The following CACNA2D3 variants were observed in gnomAD, a reference collection of about 807,000 sequenced individuals.
CACNA2D3 encodes calcium voltage-gated channel auxiliary subunit alpha2delta 3, also known as voltage-dependent calcium channel subunit alpha-2/delta-3.
A neutral mutation model predicts 160.6 loss-of-function variants in CACNA2D3; 60 were observed. The observed-to-expected ratio is 0.37, with a 90% CI of 0.30 to 0.46. The LOEUF is 0.46. Among genes scored for constraint, CACNA2D3 ranks in the 20% least tolerant of loss-of-function variants. CACNA2D3 has a pLI of 1.00. For synonymous variants in CACNA2D3, 558 were observed against 492.9 expected (o/e 1.13, Z -1.75); for missense variants, 1,205 against 1,365.0 (o/e 0.88, Z 1.85).
intron 27 of CACNA2D3, among the ~76,000 whole-genome samples, chr3:54,906,353 G>A (rs1383126068): frequency 6.6e-6 from 1 of 152,048 alleles, no homozygotes; most frequent in African/African-American, 2.4e-5. Flanking sequence ...GAGAGGAAGT[G>A]CGCAGCCATG....
intron 35 of CACNA2D3, among the ~76,000 whole-genome samples, chr3:55,023,544 C>T (rs961037303): frequency 6.6e-6 from 1 of 152,038 alleles, no homozygotes; most frequent in Non-Finnish European, 1.5e-5. Flanking sequence ...AGTATCAATC[C>T]TCTTTTTTCT....
intron 4 of CACNA2D3, among the ~76,000 whole-genome samples, chr3:54,467,460 C>G (rs1700649050): frequency 6.6e-6 from 1 of 152,186 alleles, no homozygotes; most frequent in Admixed American, 6.5e-5. Flanking sequence ...GGTCTCAAGT[C>G]TTAGCTTGAT....
At chr3:54,606,379 C>T (rs1486600486) in intron 9 of CACNA2D3, among the ~76,000 whole-genome samples, 1 of 152,006 alleles carries the variant, frequency 6.6e-6, no homozygotes, top group Non-Finnish European at 1.5e-5. Context: ...AGAGGTAGGA[C>T]AACCAGTTAG....
chr3:54,523,406 G>A (rs373903964), intron 5 of CACNA2D3, among the ~76,000 whole-genome samples: 2 of 152,052 alleles, frequency 1.3e-5, no homozygotes, highest in African/African-American at 4.8e-5. Flanking sequence ...TTTGGTTATG[G>A]TATATAATTC....
intron 11 of CACNA2D3, among the ~76,000 whole-genome samples, chr3:54,724,382 A>G (rs1016790414): frequency 6.6e-6 from 1 of 152,200 alleles, no homozygotes; most frequent in African/African-American, 2.4e-5. Context: ...TAACAAGGAT[A>G]TTCAGGACTT....
At chr3:54,173,119 T>A (rs906000377) in intron 2 of CACNA2D3, among the ~76,000 whole-genome samples, 1 of 152,170 alleles carries the variant, frequency 6.6e-6, no homozygotes, top group Non-Finnish European at 1.5e-5. Context: ...TTCCTCCACC[T>A]TGGGAGAGGC....
chr3:54,297,961 C>A (rs7434141), intron 2 of CACNA2D3, among the ~76,000 whole-genome samples: 20,800 of 152,220 alleles, frequency 0.14, 1,489 homozygotes, highest in East Asian at 0.23. Context: ...CAACACCACC[C>A]CAGATCTGGA....
rs150570968 is a variant in CACNA2D3 at position 54,852,287 on chromosome 3, G to T, written c.1626+5820G>T. On this transcript the variant is annotated intron_variant, in intron 17 of 37. Coordinates refer to ENST00000474759, the MANE Select transcript of CACNA2D3 (RefSeq NM_018398.3). Reference sequence around the variant, plus strand: ...AACTCTGCCTATTCTAGCCATGTAGGTTCACCCCTACGCCATCTAGACTTC... The same window carrying T: ...AACTCTGCCTATTCTAGCCATGTAGTTTCACCCCTACGCCATCTAGACTTC... Among the ~76,000 whole-genome samples the T allele has an allele frequency of 2.2e-3, 342 of 152,334 alleles. 1 individual carries two copies. The highest frequency in any genetic ancestry group is 7.7e-3 in the African/African-American group (322 of 41,580).
At chr3:54,794,666 A>G (rs890729995) in intron 13 of CACNA2D3, among the ~76,000 whole-genome samples, 2 of 147,334 alleles carry the variant, frequency 1.4e-5, no homozygotes, top group African/African-American at 5.0e-5. Context: ...TGTTATTTTC[A>G]CTAGATACAG....
chr3:54,484,862 T>TG (rs762057063), intron 4 of CACNA2D3, among the ~76,000 whole-genome samples: 86 of 149,532 alleles, frequency 5.8e-4, no homozygotes, highest in African/African-American at 1.2e-3. Context: ...TTTTTTTTTT[T>TG]GGGGGATGGA....
At chr3:54,965,617 G>A (rs1226753875) in intron 27 of CACNA2D3, among the ~76,000 whole-genome samples, 2 of 151,708 alleles carry the variant, frequency 1.3e-5, no homozygotes, top group Non-Finnish European at 2.9e-5. Context: ...ACAAATGGTC[G>A]TGAAGTTGAT....
At chr3:54,300,844 A>G (rs975201187) in intron 2 of CACNA2D3, among the ~76,000 whole-genome samples, 1 of 152,050 alleles carries the variant, frequency 6.6e-6, no homozygotes, top group Non-Finnish European at 1.5e-5. Flanking sequence ...GCGAGACTCC[A>G]TTTCTACCAA....
intron 14 of CACNA2D3, among the ~76,000 whole-genome samples, chr3:54,835,061 T>C (rs1252459299): frequency 1.3e-5 from 2 of 152,202 alleles, no homozygotes; most frequent in Non-Finnish European, 2.9e-5. Flanking sequence ...CTCAAACAAC[T>C]GAGCATGATG....
intron 31 of CACNA2D3, among the ~76,000 whole-genome samples, chr3:54,990,829 G>A (rs551326209): frequency 6.6e-6 from 1 of 152,328 alleles, no homozygotes; most frequent in South Asian, 2.1e-4. Flanking sequence ...TGTAGTGCAG[G>A]CAGAAGGAAA....
chr3:54,402,837 T>C (rs1699495136), intron 4 of CACNA2D3, among the ~76,000 whole-genome samples: 1 of 152,214 alleles, frequency 6.6e-6, no homozygotes, highest in Non-Finnish European at 1.5e-5. Flanking sequence ...CATTCTTCTC[T>C]AGTGCACGTG....
chr3:54,666,600 C>G (rs1010913029), intron 11 of CACNA2D3, among the ~76,000 whole-genome samples: 13 of 152,208 alleles, frequency 8.5e-5, no homozygotes, highest in African/African-American at 2.9e-4. Context: ...TTTTCTTCCT[C>G]CAATATAAGG....
At chr3:54,633,394 G>A (rs891320848) in intron 10 of CACNA2D3, among the ~76,000 whole-genome samples, 7 of 152,162 alleles carry the variant, frequency 4.6e-5, no homozygotes, top group Non-Finnish European at 1.0e-4. Context: ...TAATGATAGC[G>A]TTGGAAGACT....
intron 14 of CACNA2D3, among the ~76,000 whole-genome samples, chr3:54,836,533 C>A (rs894330368): frequency 2.0e-5 from 3 of 151,586 alleles, no homozygotes; most frequent in African/African-American, 7.3e-5. Flanking sequence ...CACGCCTGTC[C>A]TCAAGGGCCA....
intron 4 of CACNA2D3, among the ~76,000 whole-genome samples, chr3:54,485,527 A>C (rs554428872): frequency 6.6e-6 from 1 of 152,014 alleles, no homozygotes; most frequent in East Asian, 1.9e-4. Context: ...TTAGCTCAGA[A>C]AGTCCTTATG....
Sources: gnomAD v4.1 joint callset for allele counts (sites outside exome capture counted in the v4.1 genomes callset) on GRCh38, gnomAD v4.1.1 for gene constraint, MANE v1.5 for transcripts, NCBI Gene and HGNC (gene_info 2026-07-23, HGNC 2026-07-21) for gene names.